The following SLIT3 variants were observed in gnomAD, a reference collection of about 807,000 sequenced individuals.
The protein encoded by SLIT3 is slit guidance ligand 3.
SLIT3 carries 68 observed loss-of-function variants against 184.0 expected under a neutral mutation model. The observed-to-expected ratio is 0.37, with a 90% CI of 0.30 to 0.45. SLIT3 has a LOEUF of 0.45. Among genes scored for constraint, SLIT3 ranks in the 20% least tolerant of loss-of-function variants. The pLI, the probability that SLIT3 is intolerant of heterozygous loss-of-function variation, is 1.00. For synonymous variants in SLIT3, 831 were observed against 828.6 expected (o/e 1.00, Z -0.05); for missense variants, 1,707 against 2,026.0 (o/e 0.84, Z 3.02).
At chr5:169,178,283 G>T (rs1217270190) in intron 4 of SLIT3, among the ~76,000 whole-genome samples, 2 of 152,214 alleles carry the variant, frequency 1.3e-5, no homozygotes, top group African/African-American at 2.4e-5. Flanking sequence ...CCTTTGGGCT[G>T]TGCCCACAGC....
intron 21 of SLIT3, among the ~76,000 whole-genome samples, chr5:168,723,968 G>A (rs537168257): frequency 6.6e-6 from 1 of 152,174 alleles, no homozygotes; most frequent in East Asian, 1.9e-4. Context: ...CATTTGGCAA[G>A]GTCTGAAGAC....
At chr5:168,951,818 C>G (rs1207459721) in intron 4 of SLIT3, among the ~76,000 whole-genome samples, 1 of 152,166 alleles carries the variant, frequency 6.6e-6, no homozygotes, top group East Asian at 1.9e-4. Flanking sequence ...ATAAAACTGT[C>G]TCATGAAGAG....
intron 6 of SLIT3, among the ~76,000 whole-genome samples, chr5:168,838,552 A>G (rs2113702220): frequency 6.6e-6 from 1 of 152,194 alleles, no homozygotes; most frequent in East Asian, 1.9e-4. Context: ...CTGCATCCAG[A>G]GGAAGCTCAG....
intron 4 of SLIT3, among the ~76,000 whole-genome samples, chr5:169,070,797 C>CA (rs34764320): frequency 0.051 from 5,866 of 115,944 alleles, 281 homozygotes; most frequent in African/African-American, 0.14. Context: ...ACATTTTCCT[C>CA]AAAAAAAAAA....
At chr5:169,022,502 TAA>T (rs1000023682) in intron 4 of SLIT3, among the ~76,000 whole-genome samples, 4 of 152,144 alleles carry the variant, frequency 2.6e-5, no homozygotes, top group African/African-American at 9.7e-5. Context: ...TTACAAACAA[TAA>T]AAGTCACCTT....
intron 16 of SLIT3, among the ~76,000 whole-genome samples, chr5:168,756,953 T>C (rs1754967252): frequency 6.6e-6 from 1 of 151,548 alleles, no homozygotes; most frequent in Admixed American, 6.6e-5. Flanking sequence ...GCTGGGAGAA[T>C]GGAAAACAGA....
intron 4 of SLIT3, among the ~76,000 whole-genome samples, chr5:169,112,931 T>C (rs1451532319): frequency 2.0e-5 from 3 of 152,182 alleles, no homozygotes; most frequent in South Asian, 2.1e-4. Context: ...GGCCTAGGGG[T>C]AGATGCAGCT....
At chr5:169,059,933 T>C (rs1296760287) in intron 4 of SLIT3, among the ~76,000 whole-genome samples, 1 of 152,168 alleles carries the variant, frequency 6.6e-6, no homozygotes, top group Non-Finnish European at 1.5e-5. Context: ...CCTTTTTGAA[T>C]GAGATTAGTG....
chr5:169,012,940 G>C (rs1181062641), intron 4 of SLIT3: 1 of 152,168 alleles, frequency 6.6e-6, no homozygotes, highest in Non-Finnish European at 1.5e-5. Context: ...TGAGAATAGC[G>C]CTACTATCTG....
chr5:168,882,713 TA>T (rs985996486), intron 5 of SLIT3, among the ~76,000 whole-genome samples: 2 of 151,576 alleles, frequency 1.3e-5, no homozygotes, highest in African/African-American at 4.9e-5. Context: ...ATAAAAAGTT[TA>T]AAAAAAAATC....
chr5:168,698,635 C>T (rs918681565), intron 27 of SLIT3, among the ~76,000 whole-genome samples: 2 of 152,110 alleles, frequency 1.3e-5, no homozygotes, highest in African/African-American at 4.8e-5. Context: ...GTTATTATGG[C>T]AGCCCTAAGG....
chr5:169,265,210 C>G (rs1766351883), intron 1 of SLIT3, among the ~76,000 whole-genome samples: 1 of 152,210 alleles, frequency 6.6e-6, no homozygotes, highest in Non-Finnish European at 1.5e-5. Context: ...TTACTGGGAA[C>G]AGCAGAGACG....
intron 3 of SLIT3, among the ~76,000 whole-genome samples, chr5:169,213,999 A>G (rs900207345): frequency 6.6e-6 from 1 of 152,208 alleles, no homozygotes; most frequent in Non-Finnish European, 1.5e-5. Flanking sequence ...GACAGCAGGC[A>G]TCATCCACTT....
intron 20 of SLIT3, among the ~76,000 whole-genome samples, chr5:168,735,653 CAGAT>C (rs1475573013): frequency 7.5e-6 from 1 of 132,796 alleles, no homozygotes; most frequent in Non-Finnish European, 1.6e-5. Context: ...TACATATAGA[CAGAT>C]AGATACACAC....
chr5:169,016,816 C>A (rs7710390), intron 4 of SLIT3, among the ~76,000 whole-genome samples: 16,752 of 152,186 alleles, frequency 0.11, 2,453 homozygotes, highest in African/African-American at 0.33. Flanking sequence ...ATGTAAAGCA[C>A]TTAATACAAC....
chr5:168,739,085 T>A (rs1409870542), intron 20 of SLIT3, among the ~76,000 whole-genome samples: 5 of 152,196 alleles, frequency 3.3e-5, no homozygotes, highest in Non-Finnish European at 7.3e-5. Flanking sequence ...TCTGATGAGA[T>A]CAGCGGTGAT....
chr5:168,902,685 T>C (rs1561996884), intron 4 of SLIT3, among the ~76,000 whole-genome samples: 1 of 152,224 alleles, frequency 6.6e-6, no homozygotes, highest in South Asian at 2.1e-4. Flanking sequence ...GGGGCACAAC[T>C]GCCTGTGCTT....
chr5:169,282,062 C>T (rs1336479714), intron 1 of SLIT3, among the ~76,000 whole-genome samples: 2 of 152,188 alleles, frequency 1.3e-5, no homozygotes, highest in Admixed American at 6.5e-5. Flanking sequence ...GCCTGAGCTA[C>T]GTGGAAGTTT....
At chr5:168,741,689 C>T (rs1454296208) in intron 20 of SLIT3, among the ~76,000 whole-genome samples, 2 of 151,906 alleles carry the variant, frequency 1.3e-5, no homozygotes, top group African/African-American at 4.8e-5. Context: ...CATGGGGATA[C>T]AAGTGAGAGG....
Sources: gnomAD v4.1 joint callset for allele counts (sites outside exome capture counted in the v4.1 genomes callset) on GRCh38, gnomAD v4.1.1 for gene constraint, MANE v1.5 for transcripts, NCBI Gene and HGNC (gene_info 2026-07-23, HGNC 2026-07-21) for gene names.